Variants in BCAS1 observed in about 807,000 individuals in gnomAD.
The protein encoded by BCAS1 is brain enriched myelin associated protein 1.
In BCAS1, 46 loss-of-function variants were observed where a neutral mutation model predicts 65.4. The observed-to-expected ratio is 0.70, with a 90% CI of 0.55 to 0.90. The LOEUF (loss-of-function observed/expected upper bound fraction) is 0.90, where lower values mean the gene tolerates loss of function less well. Among genes scored for constraint, BCAS1 ranks in the 40% least tolerant of loss-of-function variants. The pLI is 0.00. For synonymous variants in BCAS1, 298 were observed against 293.5 expected (o/e 1.02, Z -0.16); for missense variants, 793 against 771.2 (o/e 1.03, Z -0.33).
chr20:54,060,566 C>A (rs1200640520), intron 1 of BCAS1, among the ~76,000 whole-genome samples: 1 of 140,882 alleles, frequency 7.1e-6, no homozygotes, highest in Non-Finnish European at 1.6e-5. Flanking sequence ...ATGTGATCCA[C>A]CCGCCTTGGC....
At chr20:54,065,137 T>C (rs954972780) in intron 1 of BCAS1, among the ~76,000 whole-genome samples, 1 of 141,046 alleles carries the variant, frequency 7.1e-6, no homozygotes, top group South Asian at 2.4e-4. Flanking sequence ...TCTATCTATC[T>C]ATCTATCTAT....
At position 54,028,579 on chromosome 20, in the gene BCAS1, C is replaced by T. The variant is rs1462394877; in HGVS notation, c.536G>A (p.Gly179Glu). The part of the protein sequence containing the change: ...DPTLLPPETG[G>E]AGGEAPSKPK... ...CTTGGAGGGAGCTTCTCCTCCTGCT[C>T]CCCCTGTCTCAGGTGGGAGAAGCGT... Residue 179 changes from glycine to glutamate, a missense_variant, in exon 4 of 13, where the codon GGA (glycine) becomes GAA (glutamate). Coordinates refer to ENST00000688948, the MANE Select transcript of BCAS1 (RefSeq NM_001366298.2). 3.1e-6 allele frequency: 5 copies of T among 1,614,170 alleles called. No individual in the cohort carries two copies. Among genetic ancestry groups the T allele is most frequent in the Admixed American group, 1.7e-5 (1 of 60,026 alleles).
At chr20:54,057,066 C>T (rs1033394987) in intron 3 of BCAS1, among the ~76,000 whole-genome samples, 2 of 152,182 alleles carry the variant, frequency 1.3e-5, no homozygotes, top group Non-Finnish European at 2.9e-5. Flanking sequence ...ACTACCTCTT[C>T]TTACATAATT....
chr20:53,993,893 G>A (rs778437959), intron 6 of BCAS1, among the ~76,000 whole-genome samples: 75 of 152,130 alleles, frequency 4.9e-4, no homozygotes, highest in Non-Finnish European at 4.7e-4. Flanking sequence ...AACCAATCTT[G>A]GCTGTGATCA....
intron 3 of BCAS1, 43 bp downstream of exon 3, chr20:54,058,042 T>A: frequency 5.7e-6 from 8 of 1,397,520 alleles, no homozygotes; most frequent in Non-Finnish European, 8.1e-6. Context: ...CAGACCCCCC[T>A]TCCCCACGAG....
At chr20:54,008,939 G>A (rs893806530) in intron 4 of BCAS1, among the ~76,000 whole-genome samples, 4 of 151,808 alleles carry the variant, frequency 2.6e-5, no homozygotes, top group African/African-American at 9.7e-5. Context: ...TCAGCCTCCT[G>A]AGCAACTGGT....
Position 53,952,936 on chromosome 20 carries a change from A to AT in BCAS1, c.1815+495dup, listed in dbSNP as rs35147407. ...AGTGTGTTTAAATTTGATTTGTCTA[A>AT]TTTTTTTAACACGTCAAATTGGTAT... On this transcript the variant is annotated intron_variant, in intron 12 of 12. Coordinates refer to ENST00000688948, the MANE Select transcript of BCAS1 (RefSeq NM_001366298.2). 4.6e-5 allele frequency among the ~76,000 whole-genome samples: 7 copies of AT among 152,314 alleles called. No individual in the cohort carries two copies. The East Asian group carries it at 9.6e-4, about 21-fold the overall frequency.
intron 7 of BCAS1, among the ~76,000 whole-genome samples, chr20:53,990,664 C>T (rs934036514): frequency 6.6e-6 from 1 of 152,024 alleles, no homozygotes; most frequent in Admixed American, 6.6e-5. Flanking sequence ...TATTTAAAGG[C>T]CCTACTTTCC....
At chr20:54,044,524 T>TA (rs2092060871) in intron 3 of BCAS1, among the ~76,000 whole-genome samples, 1 of 152,230 alleles carries the variant, frequency 6.6e-6, no homozygotes, top group South Asian at 2.1e-4. Flanking sequence ...GCCAATGTTT[T>TA]ATTTTTGAAA....
chr20:54,049,759 C>A (rs2092177879), intron 3 of BCAS1, among the ~76,000 whole-genome samples: 1 of 152,080 alleles, frequency 6.6e-6, no homozygotes, highest in Admixed American at 6.6e-5. Flanking sequence ...GCACTTTTAT[C>A]TTGTGCCAGC....
chr20:54,029,196 G>A (rs1260866068), intron 3 of BCAS1: 3 of 985,260 alleles, frequency 3.0e-6, no homozygotes, highest in African/African-American at 1.7e-5. Flanking sequence ...GCTACTTAAT[G>A]GAAAGTCACT....
chr20:54,054,902 C>T (rs2092273205), intron 3 of BCAS1, among the ~76,000 whole-genome samples: 1 of 152,096 alleles, frequency 6.6e-6, no homozygotes. Context: ...ATATGTATAT[C>T]TCAAATATGT....
chr20:53,954,105 G>T (rs550442418), intron 11 of BCAS1, among the ~76,000 whole-genome samples: 1 of 152,294 alleles, frequency 6.6e-6, no homozygotes, highest in South Asian at 2.1e-4. Flanking sequence ...GATTGGCTCA[G>T]CATAGCCAAA....
intron 3 of BCAS1, among the ~76,000 whole-genome samples, chr20:54,045,524 C>T (rs763019324): frequency 9.2e-5 from 14 of 152,146 alleles, no homozygotes; most frequent in Non-Finnish European, 1.8e-4. Flanking sequence ...AATCCCTGAG[C>T]GGACAAAGCC....
At chr20:54,012,494 G>T (rs374642828) in intron 4 of BCAS1, among the ~76,000 whole-genome samples, 3 of 150,766 alleles carry the variant, frequency 2.0e-5, no homozygotes, top group African/African-American at 7.3e-5. Flanking sequence ...AGCTTGATAG[G>T]ATAATTCTGG....
intron 8 of BCAS1, among the ~76,000 whole-genome samples, 169 bp from the exon 9 acceptor site, chr20:53,975,599 C>T (rs1014696734): frequency 1.3e-4 from 14 of 111,318 alleles, no homozygotes; most frequent in Middle Eastern, 4.1e-3. Flanking sequence ...AAAATGAAAA[C>T]GGTATATATA....
At chr20:53,993,132 C>G (rs1229564309) in intron 6 of BCAS1, among the ~76,000 whole-genome samples, 5 of 152,138 alleles carry the variant, frequency 3.3e-5, no homozygotes, top group African/African-American at 1.2e-4. Flanking sequence ...TTTATGGAAG[C>G]AATATCACCT....
intron 3 of BCAS1, among the ~76,000 whole-genome samples, chr20:54,053,161 T>G (rs977129543): frequency 6.6e-6 from 1 of 152,190 alleles, no homozygotes; most frequent in Admixed American, 6.5e-5. Context: ...TCAAATAACA[T>G]CTAAAATTGG....
Position 53,943,957 on chromosome 20 carries a change from TTTTA to T in BCAS1, c.*961_*964del, listed in dbSNP as rs1266132121. ...AAATAACCGTGCAACTTCCTTTATT[TTTTA>T]TTTATTTTTTTTTTTTAAGTTGTAA... On this transcript the variant is annotated 3_prime_UTR_variant, in exon 13 of 13. Coordinates refer to ENST00000688948, the MANE Select transcript of BCAS1 (RefSeq NM_001366298.2). 7.1e-6 allele frequency: 1 copy of T among 140,644 alleles called. No homozygotes were observed. The highest frequency in any genetic ancestry group is 2.2e-4 in the East Asian group (1 of 4,510). The allele number at this position is 140,644 out of a possible 1,614,324, so 8.7% of individuals were successfully genotyped here.
Sources: gnomAD v4.1 joint callset for allele counts (sites outside exome capture counted in the v4.1 genomes callset) on GRCh38, gnomAD v4.1.1 for gene constraint, MANE v1.5 for transcripts, NCBI Gene and HGNC (gene_info 2026-07-23, HGNC 2026-07-21) for gene names.